GSE1: variants seen among roughly 807,000 people sequenced by gnomAD.
GSE1 encodes the protein Gse1 coiled-coil protein.
GSE1 carries 32 observed loss-of-function variants against 112.6 expected under a neutral mutation model. The ratio of observed to expected loss-of-function variants is 0.28; its 90% CI spans 0.21 to 0.38. The LOEUF (loss-of-function observed/expected upper bound fraction) is 0.38, where lower values mean the gene tolerates loss of function less well. Ranked by LOEUF, GSE1 falls within the 10% of genes least tolerant of loss-of-function variation. The pLI, the probability that GSE1 is intolerant of heterozygous loss-of-function variation, is 1.00. For synonymous variants in GSE1, 1,115 were observed against 735.6 expected (o/e 1.52, Z -8.35); for missense variants, 2,348 against 1,699.2 (o/e 1.38, Z -6.71).
At chr16:85,425,117 G>C (rs1406684587) in intron 2 of GSE1, among the ~76,000 whole-genome samples, 1 of 152,266 alleles carries the variant, frequency 6.6e-6, no homozygotes, top group Non-Finnish European at 1.5e-5. Flanking sequence ...CCCTGGGGCG[G>C]GGGGTTGTCC....
intron 1 of GSE1, among the ~76,000 whole-genome samples, chr16:85,338,768 G>GCCCAGAGAGGTTTAATCACTTCC (rs536433182): frequency 1.5e-3 from 235 of 152,274 alleles, no homozygotes; most frequent in African/African-American, 5.3e-3. Flanking sequence ...GGAAGCTGGG[G>GCCCAGAGAGGTTTAATCACTTCC]CCCAGAGAGG....
rs545502374 is a variant in GSE1, at chr16:85,661,246, C to T, written c.1741C>T (p.Pro581Ser). Residue 581 changes from proline (P) to serine (S), a missense_variant, in exon 9 of 16, where the codon CCC becomes TCC. Transcript: ENST00000253458. The part of the protein sequence containing the change: ...ISPKPQLHAA[P>S]TALWNPVSLM... ...GCCCAAGCCCCAGCTCCATGCTGCA[C>T]CCACGGCCCTCTGGAACCCCGTGTC... 12 of 1,612,942 alleles carry T rather than the reference C, an allele frequency of 7.4e-6. No individual in the cohort carries two copies. The highest frequency in any genetic ancestry group is 6.7e-5 in the African/African-American group (5 of 75,064).
At chr16:85,212,454 G>C (rs570849840) in intron 1 of GSE1, among the ~76,000 whole-genome samples, 1 of 152,246 alleles carries the variant, frequency 6.6e-6, no homozygotes, top group South Asian at 2.1e-4. Flanking sequence ...GGTTTGGGTA[G>C]AGTGAGCCCT....
At position 85,654,791 on chromosome 16, in the gene GSE1, C is replaced by T; in HGVS notation, c.600-3C>T. The T allele has an allele frequency of 1.2e-6, 2 of 1,605,662 alleles. No individual in the cohort carries two copies. The highest frequency in any genetic ancestry group is 2.2e-5 in the South Asian group (2 of 90,504). On this transcript the variant is annotated splice_polypyrimidine_tract_variant and splice_region_variant and intron_variant, in intron 4 of 15. Transcript: ENST00000253458. Reference sequence around the variant, plus strand: ...CCACCTTGCCCACTATCCCCGCCTGCAGCCTCCAGCGGCCCGTGCACCACG... The same window carrying T: ...CCACCTTGCCCACTATCCCCGCCTGTAGCCTCCAGCGGCCCGTGCACCACG...
intron 1 of GSE1, among the ~76,000 whole-genome samples, chr16:85,567,997 T>G (rs1280654283): frequency 6.6e-6 from 1 of 152,188 alleles, no homozygotes; most frequent in Non-Finnish European, 1.5e-5. Flanking sequence ...GGTGTTAGGA[T>G]TACAGACACG....
intron 3 of GSE1, among the ~76,000 whole-genome samples, chr16:85,650,227 G>C (rs1394387578): frequency 6.6e-6 from 1 of 152,132 alleles, no homozygotes; most frequent in African/African-American, 2.4e-5. Context: ...CCCTCGTCCT[G>C]GTTTGAGGGA....
chr16:85,467,928 G>A (rs938108085), intron 2 of GSE1, among the ~76,000 whole-genome samples: 4 of 152,194 alleles, frequency 2.6e-5, no homozygotes, highest in Admixed American at 6.5e-5. Context: ...CTGAGACATC[G>A]TCTGCATCGA....
At chr16:85,608,459 A>G (rs2047810661), upstream of GSE1, among the ~76,000 whole-genome samples, 1 of 149,334 alleles carries the variant, frequency 6.7e-6, no homozygotes, top group African/African-American at 2.5e-5. Context: ...CCCCCAACCA[A>G]AATGGTTTTC....
chr16:85,565,812 G>T (rs2151305769), intron 1 of GSE1, among the ~76,000 whole-genome samples: 1 of 152,356 alleles, frequency 6.6e-6, no homozygotes. Context: ...AAGCAGGAGG[G>T]ACCCTGGGTC....
chr16:85,358,205 C>G (rs2151573401), intron 2 of GSE1, among the ~76,000 whole-genome samples: 1 of 152,336 alleles, frequency 6.6e-6, no homozygotes, highest in South Asian at 2.1e-4. Flanking sequence ...TGGTGCTTCC[C>G]TGAGGCCAGG....
intron 1 of GSE1, among the ~76,000 whole-genome samples, chr16:85,282,739 G>A (rs1046351192): frequency 6.6e-6 from 1 of 152,256 alleles, no homozygotes; most frequent in East Asian, 1.9e-4. Context: ...GATTTTAGTC[G>A]AGATTCAATG....
intron 1 of GSE1, among the ~76,000 whole-genome samples, chr16:85,581,672 G>T (rs562843774): frequency 6.6e-6 from 1 of 152,150 alleles, no homozygotes; most frequent in Non-Finnish European, 1.5e-5. Context: ...CCAGCAATCC[G>T]GCCGTCCTAA....
chr16:85,396,967 A>G (rs2047980503), intron 2 of GSE1, among the ~76,000 whole-genome samples: 1 of 152,226 alleles, frequency 6.6e-6, no homozygotes, highest in Non-Finnish European at 1.5e-5. Flanking sequence ...ACAGAGTGAC[A>G]GGTCCAGAGA....
chr16:85,189,893 C>G (rs551236837), intron 1 of GSE1, among the ~76,000 whole-genome samples: 16 of 152,292 alleles, frequency 1.1e-4, no homozygotes, highest in African/African-American at 3.9e-4. Flanking sequence ...TTGGTGCCTA[C>G]TCTTTTCTTA....
intron 2 of GSE1, among the ~76,000 whole-genome samples, chr16:85,365,927 C>T (rs550932124): frequency 2.0e-5 from 3 of 152,328 alleles, no homozygotes; most frequent in Admixed American, 1.3e-4. Flanking sequence ...ATGTGTCAAA[C>T]GGGGATGACG....
intron 3 of GSE1, among the ~76,000 whole-genome samples, chr16:85,653,119 C>G (rs145113575): frequency 6.9e-6 from 1 of 145,600 alleles, no homozygotes; most frequent in Admixed American, 7.0e-5. Flanking sequence ...GACAGAGTGA[C>G]GCCTGGGTTG....
intron 1 of GSE1, among the ~76,000 whole-genome samples, chr16:85,304,612 G>C (rs1049617793): frequency 4.5e-5 from 6 of 133,770 alleles, no homozygotes; most frequent in African/African-American, 1.5e-4. Flanking sequence ...GGGGGGGTGG[G>C]GCATCCCTTT....
chr16:85,222,900 GT>G (rs2075418545), intron 1 of GSE1, among the ~76,000 whole-genome samples: 1 of 152,100 alleles, frequency 6.6e-6, no homozygotes, highest in Non-Finnish European at 1.5e-5. Context: ...TACCATTTTA[GT>G]TTTGCATGCA....
At chr16:85,426,162 G>C (rs193243752) in intron 2 of GSE1, among the ~76,000 whole-genome samples, 1 of 150,106 alleles carries the variant, frequency 6.7e-6, no homozygotes, top group Non-Finnish European at 1.5e-5. Flanking sequence ...TGGATGGGTG[G>C]GTGGGGTGGA....
Sources: allele counts gnomAD v4.1 joint callset (sites outside exome capture counted in the v4.1 genomes callset), GRCh38; gene constraint gnomAD v4.1.1; transcripts MANE v1.5; gene names NCBI Gene and HGNC (gene_info 2026-07-23, HGNC 2026-07-21).